Variants in MELK observed in about 807,000 individuals in gnomAD.
MELK encodes the protein maternal embryonic leucine zipper kinase, also known as pEg3 kinase.
MELK carries 81 observed loss-of-function variants against 85.0 expected under a neutral mutation model. That is an observed-to-expected ratio of 0.95 (90% CI 0.80 to 1.15). MELK has a LOEUF of 1.15. Ranked by LOEUF, MELK falls within the 50% of genes most tolerant of loss-of-function variation. The pLI, the probability that MELK is intolerant of heterozygous loss-of-function variation, is 0.00. For synonymous variants in MELK, 252 were observed against 265.0 expected (o/e 0.95, Z 0.48); for missense variants, 754 against 777.5 (o/e 0.97, Z 0.36).
chr9:36,613,630 C>A (rs957523443), intron 8 of MELK, among the ~76,000 whole-genome samples: 2 of 151,966 alleles, frequency 1.3e-5, no homozygotes, highest in African/African-American at 4.8e-5. Flanking sequence ...ATAAGGTGGT[C>A]AGGATAAACT....
intron 8 of MELK, among the ~76,000 whole-genome samples, chr9:36,614,287 G>A (rs1238769073): frequency 6.6e-6 from 1 of 151,836 alleles, no homozygotes; most frequent in Admixed American, 6.6e-5. Flanking sequence ...GTAGAGATGG[G>A]GTTTCGCCAT....
chr9:36,669,325 TGAAA>T lies in MELK; in HGVS notation c.1429_1432del (p.Glu477LeufsTer7), dbSNP rs1564231844. The T allele has an allele frequency of 2.5e-6, 4 of 1,608,778 alleles. No homozygotes were observed. Among genetic ancestry groups the T allele is most frequent in the Admixed American group, 3.4e-5 (2 of 59,242 alleles). Reference sequence around the variant, plus strand: ...TTTCTAATAGCTAGAAACCAGTGCCTGAAAGAAACTCCAATTAAAATACCAGTAA... The same window carrying T: ...TTTCTAATAGCTAGAAACCAGTGCCTGAAACTCCAATTAAAATACCAGTAA... On this transcript the variant is annotated frameshift_variant, in exon 15 of 18. Coordinates refer to ENST00000298048, the MANE Select transcript of MELK (RefSeq NM_014791.4). LOFTEE classifies it high-confidence loss of function.
intron 14 of MELK, among the ~76,000 whole-genome samples, chr9:36,666,322 T>C (rs1832332237): frequency 6.6e-6 from 1 of 152,178 alleles, no homozygotes; most frequent in Admixed American, 6.5e-5. Context: ...GGTAGAGTGG[T>C]AAGTGTCATG....
chr9:36,660,627 A>C (rs1311000605), intron 13 of MELK, among the ~76,000 whole-genome samples: 3 of 150,634 alleles, frequency 2.0e-5, no homozygotes, highest in African/African-American at 7.3e-5. Context: ...TGGCACCTCT[A>C]AATCTTTTTA....
In MELK at chr9:36,597,216, TC is replaced by T. The variant is rs764830634; in HGVS notation, c.406-3del. The T allele has an allele frequency of 8.4e-5, 135 of 1,610,792 alleles. No individual in the cohort carries two copies. Among genetic ancestry groups the T allele is most frequent in the Non-Finnish European group, 1.1e-4 (130 of 1,177,084 alleles). ...TACAGTTATCAAAATATCTTTGTTTTCCCAGGAAAATTTGCTGTTTGATGAA... is the reference window on the plus strand; with the variant it reads ...TACAGTTATCAAAATATCTTTGTTTTCCAGGAAAATTTGCTGTTTGATGAA... On this transcript the variant is annotated splice_region_variant and splice_polypyrimidine_tract_variant and intron_variant, in intron 5 of 17. Transcript: ENST00000298048.
chr9:36,577,862 AG>A (rs1821811655), intron 1 of MELK, among the ~76,000 whole-genome samples: 1 of 151,858 alleles, frequency 6.6e-6, no homozygotes, highest in Non-Finnish European at 1.5e-5. Context: ...CATGTTGGTC[AG>A]GCTGGTCTTG....
intron 9 of MELK, among the ~76,000 whole-genome samples, chr9:36,632,455 A>G (rs1328937356): frequency 2.0e-5 from 3 of 151,950 alleles, no homozygotes; most frequent in Non-Finnish European, 4.4e-5. Context: ...TTTTTTCATT[A>G]TGTATTCAGA....
At chr9:36,639,282 A>G (rs1250377203) in intron 10 of MELK, among the ~76,000 whole-genome samples, 2 of 152,236 alleles carry the variant, frequency 1.3e-5, no homozygotes, top group African/African-American at 2.4e-5. Context: ...GATCAAATGA[A>G]TTATATACAG....
At chr9:36,605,934 C>G (rs1305668508) in intron 7 of MELK, among the ~76,000 whole-genome samples, 3 of 146,352 alleles carry the variant, frequency 2.0e-5, no homozygotes, top group Non-Finnish European at 4.5e-5. Flanking sequence ...GCCTAGGCAA[C>G]AGAGTGAGAC....
intron 5 of MELK, 128 bp downstream of exon 5, chr9:36,594,899 C>G (rs1224419364): frequency 1.0e-6 from 1 of 997,184 alleles, no homozygotes; most frequent in African/African-American, 1.7e-5. Flanking sequence ...CCAGTCATAC[C>G]TATCAGATTT....
At chr9:36,608,225 C>A (rs1303745607) in intron 8 of MELK, among the ~76,000 whole-genome samples, 7 of 139,708 alleles carry the variant, frequency 5.0e-5, no homozygotes, top group Non-Finnish European at 9.0e-5. Flanking sequence ...GCTTGCAGAG[C>A]CGAGATTACG....
chr9:36,671,307 A>G (rs1832867988), intron 16 of MELK, 141 bp downstream of exon 16: 2 of 976,478 alleles, frequency 2.0e-6, no homozygotes. Context: ...TTTTTGAGCA[A>G]CTAAAATCTG....
chr9:36,614,978 C>T (rs1262713554), intron 8 of MELK, among the ~76,000 whole-genome samples: 2 of 147,260 alleles, frequency 1.4e-5, no homozygotes, highest in East Asian at 2.1e-4. Context: ...GGGTGGTGGC[C>T]GGGCAGAGGG....
At chr9:36,663,735 C>T (rs531006680) in intron 13 of MELK, among the ~76,000 whole-genome samples, 1 of 152,230 alleles carries the variant, frequency 6.6e-6, no homozygotes, top group Admixed American at 6.5e-5. Context: ...GAATAGTATT[C>T]TATCTGTGTG....
chr9:36,674,906 C>T lies in MELK; in HGVS notation c.1747C>T (p.Pro583Ser). Reference protein sequence around the residue: ...QLLNEIMSILPKKHVDFVQKG... With the variant: ...QLLNEIMSILSKKHVDFVQKG... ...GTTGAATGAAATAATGTCTATTCTTCCAAAGAAGCATGTTGACTTTGTACA... is the reference window on the plus strand; with the variant it reads ...GTTGAATGAAATAATGTCTATTCTTTCAAAGAAGCATGTTGACTTTGTACA... The change falls in exon 17 of 18, where the codon CCA (proline) becomes TCA (serine). Residue 583 changes from proline to serine, a missense_variant. Transcript: ENST00000298048. 1 of 1,596,444 alleles carries T rather than the reference C, an allele frequency of 6.3e-7. No individual in the cohort carries two copies. Among genetic ancestry groups the T allele is most frequent in the Non-Finnish European group, 8.6e-7 (1 of 1,164,128 alleles).
At chr9:36,632,983 C>A in intron 9 of MELK, 119 bp from the exon 10 acceptor site, 1 of 720,120 alleles carries the variant, frequency 1.4e-6, no homozygotes, top group East Asian at 2.8e-5. Context: ...TCTTTGACAG[C>A]ATTTTTGTGA....
chr9:36,650,246 A>G (rs905537774), intron 11 of MELK, among the ~76,000 whole-genome samples: 1 of 107,416 alleles, frequency 9.3e-6, no homozygotes, highest in African/African-American at 2.8e-5. Context: ...CCCGGCCTCT[A>G]TTTTATTAAA....
intron 5 of MELK, among the ~76,000 whole-genome samples, chr9:36,596,564 TTTTTTTTG>T (rs1450170003): frequency 1.6e-4 from 17 of 108,490 alleles, no homozygotes; most frequent in African/African-American, 9.6e-4. Flanking sequence ...GCCCTTTTTG[TTTTTTTTG>T]TTTTTTTTGT....
At chr9:36,667,434 G>C (rs1201349282) in intron 14 of MELK, among the ~76,000 whole-genome samples, 1 of 152,194 alleles carries the variant, frequency 6.6e-6, no homozygotes, top group Non-Finnish European at 1.5e-5. Context: ...GGGATTATAG[G>C]CGTGGGCCAT....
Sources: allele counts gnomAD v4.1 joint callset (sites outside exome capture counted in the v4.1 genomes callset), GRCh38; gene constraint gnomAD v4.1.1; transcripts MANE v1.5; gene names NCBI Gene and HGNC (gene_info 2026-07-23, HGNC 2026-07-21).